Variants in IFT74 observed in about 807,000 individuals in gnomAD.
The protein encoded by IFT74 is intraflagellar transport 74.
A neutral mutation model predicts 96.7 loss-of-function variants in IFT74; 92 were observed. That is an observed-to-expected ratio of 0.95 (90% CI 0.80 to 1.13). The LOEUF is 1.13. Among genes scored for constraint, IFT74 ranks in the 50% most tolerant of loss-of-function variants. The probability of loss-of-function intolerance (pLI) is 0.00; values close to 1 mark genes in which losing one functional copy is unlikely to be tolerated. For synonymous variants in IFT74, 223 were observed against 213.2 expected, an observed-to-expected ratio of 1.05 and a Z score of -0.40; for missense variants, 811 against 698.2, an observed-to-expected ratio of 1.16 and a Z score of -1.82.
Position 27,006,340 on chromosome 9 carries a change from G to A in IFT74, c.588-2680G>A, listed in dbSNP as rs12336174. Among the ~76,000 whole-genome samples, 1,251 of 152,248 alleles carry A rather than the reference G, an allele frequency of 8.2e-3. 16 individuals are homozygous for A. Among genetic ancestry groups the A allele is most frequent in the African/African-American group, 0.028 (1,176 of 41,540 alleles). On this transcript the variant is annotated intron_variant, in intron 8 of 19. Coordinates refer to ENST00000380062, the MANE Select transcript of IFT74 (RefSeq NM_025103.4). The stretch of plus-strand genomic sequence containing the variant: ...AGGTCAGGTGCAGAGTCTGACACCT[G>A]TAATCCCAGCACTTTGAGAAGCTAA...
intron 13 of IFT74, among the ~76,000 whole-genome samples, chr9:27,044,483 G>A (rs2098479947): frequency 6.6e-6 from 1 of 152,308 alleles, no homozygotes; most frequent in East Asian, 1.9e-4. Context: ...TAGTGTTCAT[G>A]TATAGGTTGA....
chr9:27,028,959 C>T, intron 12 of IFT74, 66 bp from the exon 13 acceptor site: 2 of 1,385,722 alleles, frequency 1.4e-6, no homozygotes, highest in Non-Finnish European at 9.9e-7. Flanking sequence ...ATCTAACCTC[C>T]CCATCAATTG....
At chr9:27,054,618 T>C (rs1258268235) in intron 16 of IFT74, among the ~76,000 whole-genome samples, 1 of 152,212 alleles carries the variant, frequency 6.6e-6, no homozygotes, top group Non-Finnish European at 1.5e-5. Context: ...ATTTGCCCTC[T>C]CACTAAAGTT....
intron 8 of IFT74, among the ~76,000 whole-genome samples, chr9:27,004,302 T>C (rs1161542601): frequency 6.6e-6 from 1 of 152,196 alleles, no homozygotes; most frequent in Non-Finnish European, 1.5e-5. Flanking sequence ...TTCCTTTCCA[T>C]TGGATAGATC....
chr9:26,959,961 G>T (rs1826282091), intron 1 of IFT74, among the ~76,000 whole-genome samples: 1 of 152,176 alleles, frequency 6.6e-6, no homozygotes, highest in African/African-American at 2.4e-5. Context: ...TTCTGATTTT[G>T]CCAGATGGGC....
intron 14 of IFT74, among the ~76,000 whole-genome samples, chr9:27,047,069 A>T (rs1393434203): frequency 1.3e-5 from 2 of 152,180 alleles, no homozygotes; most frequent in Non-Finnish European, 2.9e-5. Context: ...GCTACTCAGG[A>T]GGCTGAGGCA....
In IFT74 at chr9:26,984,339, T is replaced by G. The variant is rs767523265; in HGVS notation, c.388T>G (p.Leu130Val). Residue 130 changes from leucine to valine, a missense_variant, in exon 5 of 20, where the codon TTG becomes GTG. Physicochemically the swap from Leu to Val is conservative, Grantham distance 32. Coordinates refer to ENST00000380062, the MANE Select transcript of IFT74 (RefSeq NM_025103.4). ...EMYNQENSVY[L>V]SYEKRAETLA... ...GTACAATCAAGAGAATTCAGTATAT[T>G]TGTCATATGAAAAGAGGTGAGTAAT... 4.4e-6 allele frequency: 7 copies of G among 1,584,490 alleles called. No homozygotes were observed. In the South Asian group the frequency reaches 8.1e-5, roughly 18 times the overall value.
intron 13 of IFT74, among the ~76,000 whole-genome samples, chr9:27,044,485 A>G (rs529185966): frequency 6.6e-6 from 1 of 152,286 alleles, no homozygotes; most frequent in South Asian, 2.1e-4. Context: ...GTGTTCATGT[A>G]TAGGTTGAAT....
intron 12 of IFT74, among the ~76,000 whole-genome samples, chr9:27,019,180 C>T (rs1829485647): frequency 6.6e-6 from 1 of 152,078 alleles, no homozygotes; most frequent in African/African-American, 2.4e-5. Flanking sequence ...TAGTCTCCAG[C>T]TCCTAGCCTC....
At chr9:27,055,572 T>C in intron 16 of IFT74, 37 bp from the exon 17 acceptor site, 7 of 1,456,376 alleles carry the variant, frequency 4.8e-6, no homozygotes, top group Non-Finnish European at 6.5e-6. Context: ...AGGAATAAAA[T>C]TTTGATTAAT....
intron 3 of IFT74, among the ~76,000 whole-genome samples, chr9:26,978,827 T>A (rs1039636497): frequency 6.6e-6 from 1 of 152,196 alleles, no homozygotes; most frequent in African/African-American, 2.4e-5. Context: ...TCATTTATAT[T>A]AATCTAATTT....
At chr9:26,953,018 G>GA, upstream of IFT74, among the ~76,000 whole-genome samples, 1 of 152,164 alleles carries the variant, frequency 6.6e-6, no homozygotes, top group Non-Finnish European at 1.5e-5. Flanking sequence ...CTTTTACAGG[G>GA]AAAAAAATAG....
chr9:27,044,842 C>A, intron 14 of IFT74, 47 bp downstream of exon 14: 1 of 1,139,086 alleles, frequency 8.8e-7, no homozygotes, highest in Non-Finnish European at 1.3e-6. Context: ...TTTCAGATTG[C>A]TGTTCATTTA....
chr9:27,036,373 G>C (rs1270549219), intron 13 of IFT74: 2 of 1,534,334 alleles, frequency 1.3e-6, no homozygotes, highest in East Asian at 4.8e-5. Context: ...AAAACATTAA[G>C]CTTATATGTA....
chr9:27,025,443 CAAAAAAAAA>C lies in IFT74; in HGVS notation c.975-3570_975-3562del, dbSNP rs57335230. Among the ~76,000 whole-genome samples, 18 of 77,722 alleles carry C rather than the reference CAAAAAAAAA, an allele frequency of 2.3e-4. No homozygotes were observed. The East Asian group carries it at 6.2e-3, about 27-fold the overall frequency. The allele number at this position is 77,722 out of a possible 152,430, so 51.0% of individuals were successfully genotyped here. A position where few individuals can be genotyped will look rare whatever the true frequency, so the allele number is the denominator to read the frequency against. On this transcript the variant is annotated intron_variant, in intron 12 of 19. Transcript: ENST00000380062. ...GGGTGACAGAGTGAGACTCCATCTC[CAAAAAAAAA>C]AAAAAAAAAAAGAAAAGAAAAGAAA...
Position 27,029,530 on chromosome 9 carries a change from CGGA to C in IFT74, c.1054+429_1054+431del, listed in dbSNP as rs1421048665. 2.0e-5 allele frequency among the ~76,000 whole-genome samples: 3 copies of C among 152,086 alleles called. No homozygotes were observed. The East Asian group carries it at 5.8e-4, about 30-fold the overall frequency. On this transcript the variant is annotated intron_variant, in intron 13 of 19. Transcript: ENST00000380062. ...TGGGAAGCTGAGGCGGGCAGATCAT[CGGA>C]GGTCGGGAGTTCGAGACCAGCCTGA...
chr9:27,058,971 T>C (rs1820295153), intron 18 of IFT74, among the ~76,000 whole-genome samples: 1 of 152,174 alleles, frequency 6.6e-6, no homozygotes, highest in African/African-American at 2.4e-5. Flanking sequence ...TGGGAGGTCA[T>C]TGTCTTCAGC....
rs780583114 is a variant in IFT74, at chr9:27,011,946, T to G, written c.767T>G (p.Met256Arg). Residue 256 changes from methionine to arginine, a missense_variant, in exon 10 of 20, where the codon ATG becomes AGG. Met to Arg is a moderately conservative substitution (Grantham distance 91). Transcript: ENST00000380062. ...CAACAACAATTGGATTCACAGAACATGAAAAAAGAGAGCCTGGAAGCAGTA... is the reference window on the plus strand; with the variant it reads ...CAACAACAATTGGATTCACAGAACAGGAAAAAAGAGAGCCTGGAAGCAGTA... ...TLQQQLDSQN[M>R]KKESLEAEIA... 4.4e-6 allele frequency: 7 copies of G among 1,584,820 alleles called. No homozygotes were observed. Among genetic ancestry groups the G allele is most frequent in the African/African-American group, 1.4e-5 (1 of 73,130 alleles).
intron 4 of IFT74, 82 bp downstream of exon 4, chr9:26,980,701 A>G: frequency 1.1e-6 from 1 of 876,234 alleles, no homozygotes; most frequent in Non-Finnish European, 1.8e-6. Context: ...TATAACTTTA[A>G]TATGAAGTTT....
Sources: gnomAD v4.1 joint callset for allele counts (sites outside exome capture counted in the v4.1 genomes callset) on GRCh38, gnomAD v4.1.1 for gene constraint, MANE v1.5 for transcripts, NCBI Gene and HGNC (gene_info 2026-07-23, HGNC 2026-07-21) for gene names.